The following MYO1D variants were observed in gnomAD, a reference collection of about 807,000 sequenced individuals.
MYO1D encodes myosin ID, also known as unconventional myosin-Id.
MYO1D carries 83 observed loss-of-function variants against 122.0 expected under a neutral mutation model. The ratio of observed to expected loss-of-function variants is 0.68; its 90% CI spans 0.57 to 0.82. MYO1D has a LOEUF of 0.82. Ranked by LOEUF, MYO1D falls within the 40% of genes least tolerant of loss-of-function variation. The pLI is 0.00. For missense variants in MYO1D, 1,157 were observed against 1,269.5 expected, an observed-to-expected ratio of 0.91 and a Z score of 1.35; for synonymous variants, 464 against 446.9, an observed-to-expected ratio of 1.04 and a Z score of -0.48.
At chr17:32,563,067 G>A (rs999811909) in intron 21 of MYO1D, among the ~76,000 whole-genome samples, 2 of 151,958 alleles carry the variant, frequency 1.3e-5, no homozygotes, top group Admixed American at 1.3e-4. Flanking sequence ...TGACTTGAAG[G>A]AAAAATCGTA....
chr17:32,577,398 C>T (rs1273671641), intron 21 of MYO1D, among the ~76,000 whole-genome samples: 1 of 152,148 alleles, frequency 6.6e-6, no homozygotes, highest in Non-Finnish European at 1.5e-5. Flanking sequence ...TCCCAAAGTG[C>T]TGGGACTATA....
rs1279039911 is a variant in MYO1D at position 32,745,205 on chromosome 17, T to C, written c.1613+6A>G. ...CTAGAGTTAATTAATAAAATTTCAA[T>C]CTTACCTGTTATACATAAGGCGCTT... On this transcript the variant is annotated splice_donor_region_variant and intron_variant, in intron 13 of 21. Transcript: ENST00000318217. 1 of 1,425,226 alleles carries C rather than the reference T, an allele frequency of 7.0e-7. No individual in the cohort carries two copies. Among genetic ancestry groups the C allele is most frequent in the Non-Finnish European group, 9.8e-7 (1 of 1,019,302 alleles). 88.3% of individuals were successfully genotyped at this position (1,425,226 alleles called of 1,614,324 possible). A position where few individuals can be genotyped will look rare whatever the true frequency, so the allele number is the denominator to read the frequency against.
intron 19 of MYO1D, among the ~76,000 whole-genome samples, chr17:32,650,736 T>C (rs968530770): frequency 6.6e-6 from 1 of 152,214 alleles, no homozygotes; most frequent in Non-Finnish European, 1.5e-5. Context: ...TATAACTTCA[T>C]GCAGGTCATT....
chr17:32,683,949 G>T (rs906013940), intron 16 of MYO1D, among the ~76,000 whole-genome samples: 2 of 152,196 alleles, frequency 1.3e-5, no homozygotes, highest in Admixed American at 1.3e-4. Flanking sequence ...TAGTCTCGTG[G>T]TGCGCCGTTT....
intron 20 of MYO1D, among the ~76,000 whole-genome samples, chr17:32,605,780 G>A (rs1268958295): frequency 6.6e-6 from 1 of 152,078 alleles, no homozygotes; most frequent in Admixed American, 6.5e-5. Context: ...CAACAACTTA[G>A]TTAAAACCAA....
In MYO1D at chr17:32,829,612, C is replaced by T. The variant is rs140029610; in HGVS notation, c.95+47166G>A. On this transcript the variant is annotated intron_variant, in intron 1 of 21. Transcript: ENST00000318217. ...GGGACTACAGAAGTGTGCCACCAAG[C>T]GCAGCTAATTTTTTTATATTTCAGT... 9.8e-5 allele frequency among the ~76,000 whole-genome samples: 15 copies of T among 152,294 alleles called. No homozygotes were observed. In the East Asian group the frequency reaches 2.7e-3, roughly 27 times the overall value.
intron 1 of MYO1D, among the ~76,000 whole-genome samples, chr17:32,804,853 A>G (rs958671689): frequency 6.6e-6 from 1 of 152,158 alleles, no homozygotes; most frequent in Non-Finnish European, 1.5e-5. Flanking sequence ...TTTATTCAAT[A>G]AAGTATAGAG....
intron 16 of MYO1D, among the ~76,000 whole-genome samples, chr17:32,697,642 TA>T (rs36067017): frequency 0.2 from 28,008 of 143,322 alleles, 2,592 homozygotes; most frequent in Middle Eastern, 0.32. Flanking sequence ...TATTTTCAGT[TA>T]AAAAAAAAAA....
intron 16 of MYO1D, among the ~76,000 whole-genome samples, chr17:32,671,542 G>A (rs2150960814): frequency 6.6e-6 from 1 of 152,230 alleles, no homozygotes; most frequent in South Asian, 2.1e-4. Context: ...TATCTTTAAG[G>A]GATAGTGGAG....
intron 21 of MYO1D, among the ~76,000 whole-genome samples, chr17:32,562,748 G>A (rs6505302): frequency 0.26 from 40,254 of 152,140 alleles, 6,244 homozygotes; most frequent in African/African-American, 0.43. Context: ...GATTATAGGC[G>A]TGCGCCACCA....
chr17:32,818,755 T>C (rs1461784682), intron 1 of MYO1D, among the ~76,000 whole-genome samples: 1 of 152,206 alleles, frequency 6.6e-6, no homozygotes, highest in Non-Finnish European at 1.5e-5. Context: ...GGGTATTATA[T>C]CACATAAGGT....
intron 20 of MYO1D, among the ~76,000 whole-genome samples, chr17:32,616,262 G>A (rs186803851): frequency 1.4e-3 from 212 of 152,262 alleles, no homozygotes; most frequent in Admixed American, 3.2e-3. Context: ...GGTATTATAA[G>A]GAGATGAGAC....
intron 16 of MYO1D, among the ~76,000 whole-genome samples, chr17:32,669,034 T>C (rs756231070): frequency 9.2e-5 from 14 of 152,130 alleles, no homozygotes; most frequent in Non-Finnish European, 1.5e-4. Context: ...AAATCTCCTT[T>C]AACAGAATTG....
At chr17:32,580,623 C>G (rs1453425156) in intron 21 of MYO1D, among the ~76,000 whole-genome samples, 3 of 151,794 alleles carry the variant, frequency 2.0e-5, no homozygotes, top group Non-Finnish European at 4.4e-5. Context: ...ATTGGCCAGG[C>G]TGGTCTCGAA....
At chr17:32,832,042 T>C (rs951727373) in intron 1 of MYO1D, among the ~76,000 whole-genome samples, 1 of 152,244 alleles carries the variant, frequency 6.6e-6, no homozygotes, top group African/African-American at 2.4e-5. Context: ...GTGTCATGTA[T>C]ACACTAGATC....
At chr17:32,567,713 T>TA (rs2087186067) in intron 21 of MYO1D, among the ~76,000 whole-genome samples, 1 of 152,304 alleles carries the variant, frequency 6.6e-6, no homozygotes, top group African/African-American at 2.4e-5. Flanking sequence ...TCATCATTCT[T>TA]AGTCATCAAG....
intron 14 of MYO1D, among the ~76,000 whole-genome samples, chr17:32,731,974 G>A (rs575331633): frequency 6.6e-6 from 1 of 152,342 alleles, no homozygotes; most frequent in African/African-American, 2.4e-5. Context: ...CCTGGTCTTG[G>A]CGCCCACTCT....
chr17:32,656,410 T>C (rs1351362345), intron 17 of MYO1D, among the ~76,000 whole-genome samples: 1 of 152,164 alleles, frequency 6.6e-6, no homozygotes, highest in African/African-American at 2.4e-5. Flanking sequence ...CTCAGGGCAG[T>C]GCACTCTACT....
intron 14 of MYO1D, among the ~76,000 whole-genome samples, chr17:32,729,165 T>C (rs771120210): frequency 1.1e-4 from 17 of 151,448 alleles, no homozygotes; most frequent in Non-Finnish European, 2.1e-4. Context: ...TCTCTCCCTA[T>C]ATATTTTACG....
Sources: allele counts gnomAD v4.1 joint callset (sites outside exome capture counted in the v4.1 genomes callset), GRCh38; gene constraint gnomAD v4.1.1; transcripts MANE v1.5; gene names NCBI Gene and HGNC (gene_info 2026-07-23, HGNC 2026-07-21).